RBFOX1: variants seen among roughly 807,000 people sequenced by gnomAD.
The protein encoded by RBFOX1 is RNA binding fox-1 homolog 1, also known as RNA binding protein fox-1 homolog 1.
In RBFOX1, 8 loss-of-function variants were observed where a neutral mutation model predicts 57.7. The observed-to-expected ratio is 0.14, with a 90% CI of 0.08 to 0.25. The LOEUF (loss-of-function observed/expected upper bound fraction) is 0.25. Among genes scored for constraint, RBFOX1 ranks in the 10% least tolerant of loss-of-function variants. The pLI, the probability that RBFOX1 is intolerant of heterozygous loss-of-function variation, is 1.00. For missense variants in RBFOX1, 611 were observed against 548.5 expected, an observed-to-expected ratio of 1.11 and a Z score of -1.14; for synonymous variants, 326 against 222.4, an observed-to-expected ratio of 1.47 and a Z score of -4.15.
At chr16:5,326,334 G>C (rs935076774) in intron 1 of RBFOX1, among the ~76,000 whole-genome samples, 2 of 152,100 alleles carry the variant, frequency 1.3e-5, no homozygotes, top group African/African-American at 4.8e-5. Context: ...CAGACTCAGA[G>C]GTTTACTCAA....
At chr16:5,406,004 A>G (rs1192219936) in intron 1 of RBFOX1, among the ~76,000 whole-genome samples, 1 of 152,186 alleles carries the variant, frequency 6.6e-6, no homozygotes, top group Non-Finnish European at 1.5e-5. Context: ...ATCCTATTAC[A>G]TAAAATAATG....
intron 1 of RBFOX1, among the ~76,000 whole-genome samples, chr16:5,420,921 C>T (rs1272147469): frequency 2.2e-5 from 3 of 135,084 alleles, no homozygotes; most frequent in East Asian, 4.6e-4. Flanking sequence ...CCCTCCACCC[C>T]TCCTCCTCCC....
chr16:5,353,043 G>T (rs143877939), intron 1 of RBFOX1, among the ~76,000 whole-genome samples: 7 of 152,298 alleles, frequency 4.6e-5, no homozygotes, highest in African/African-American at 1.7e-4. Flanking sequence ...AGTGTTGAGA[G>T]ATGAAACGTT....
chr16:6,186,066 C>T (rs1446569189), intron 1 of RBFOX1, among the ~76,000 whole-genome samples: 2 of 152,090 alleles, frequency 1.3e-5, no homozygotes, highest in African/African-American at 4.8e-5. Context: ...GGAGGATTGT[C>T]CAGAGGATTT....
chr16:7,533,699 T>G (rs891072052), intron 5 of RBFOX1, among the ~76,000 whole-genome samples: 1 of 152,206 alleles, frequency 6.6e-6, no homozygotes, highest in African/African-American at 2.4e-5. Context: ...ACAGAATGGT[T>G]GTATGGGCAC....
At chr16:5,852,595 G>C (rs1407886421) in intron 3 of RBFOX1, among the ~76,000 whole-genome samples, 1 of 152,180 alleles carries the variant, frequency 6.6e-6, no homozygotes, top group Non-Finnish European at 1.5e-5. Flanking sequence ...GATGGCAGCT[G>C]AGAGTCCTGA....
chr16:7,041,721 G>C (rs1355647557), intron 3 of RBFOX1, among the ~76,000 whole-genome samples: 3 of 152,266 alleles, frequency 2.0e-5, no homozygotes, highest in Middle Eastern at 3.4e-3. Context: ...AAATTCACAA[G>C]GCCTCTTGGG....
chr16:7,062,841 G>T (rs1195447114), intron 4 of RBFOX1, among the ~76,000 whole-genome samples: 2 of 135,344 alleles, frequency 1.5e-5, no homozygotes, highest in African/African-American at 2.7e-5. Context: ...TTTAACCCTG[G>T]TTATCCATCT....
chr16:6,506,348 A>G (rs948457186), intron 2 of RBFOX1, among the ~76,000 whole-genome samples: 2 of 152,072 alleles, frequency 1.3e-5, no homozygotes, highest in African/African-American at 2.4e-5. Context: ...ACTCAGATCT[A>G]TGGGGAAGGC....
intron 4 of RBFOX1, among the ~76,000 whole-genome samples, chr16:7,294,394 C>T (rs1300767319): frequency 6.6e-6 from 1 of 151,926 alleles, no homozygotes; most frequent in Non-Finnish European, 1.5e-5. Context: ...CTCTGGGTAC[C>T]TTTTAATTTG....
chr16:6,449,108 A>G (rs371449457), intron 2 of RBFOX1, among the ~76,000 whole-genome samples: 1 of 152,212 alleles, frequency 6.6e-6, no homozygotes, highest in Admixed American at 6.5e-5. Flanking sequence ...AAAAAAATGT[A>G]AAGTGTTTCT....
chr16:6,314,272 A>C (rs1442883698), intron 1 of RBFOX1, among the ~76,000 whole-genome samples: 1 of 152,206 alleles, frequency 6.6e-6, no homozygotes. Flanking sequence ...CGTTTCCCAG[A>C]CTACATAGTT....
intron 2 of RBFOX1, among the ~76,000 whole-genome samples, chr16:6,530,748 G>A (rs1409130924): frequency 2.6e-5 from 1 of 38,772 alleles, no homozygotes; most frequent in African/African-American, 3.3e-5. Context: ...TTTATAAACC[G>A]TCCCTTCCCC....
At position 5,991,533 on chromosome 16, in the gene RBFOX1, C is replaced by T. The variant is rs1455888117; in HGVS notation, c.351+124198C>T. Among the ~76,000 whole-genome samples the T allele has an allele frequency of 3.3e-5, 5 of 152,006 alleles. No individual in the cohort carries two copies. The East Asian group carries it at 5.8e-4, about 18-fold the overall frequency. The stretch of plus-strand genomic sequence containing the variant: ...TTATTTATTGATAAGGACCATGCAT[C>T]GTGGCTGGATAGGAGCTGGGAGATC... On this transcript the variant is annotated intron_variant, in intron 4 of 19. Transcript: ENST00000641259.
Position 7,016,923 on chromosome 16 carries a change from C to G in RBFOX1, c.-15-35134C>G, listed in dbSNP as rs144036624. Among the ~76,000 whole-genome samples, 3 of 152,270 alleles carry G rather than the reference C, an allele frequency of 2.0e-5. No homozygotes were observed. The East Asian group carries it at 5.8e-4, about 30-fold the overall frequency. ...TACCAACCTTGAAATCCCTCACTGG[C>G]ATTTTGGTAAATTTGTTTCATGTTT... On this transcript the variant is annotated intron_variant, in intron 3 of 15. Coordinates refer to ENST00000550418, the MANE Select transcript of RBFOX1 (RefSeq NM_018723.4).
chr16:6,719,724 G>C (rs750510555), intron 3 of RBFOX1, among the ~76,000 whole-genome samples: 31 of 151,986 alleles, frequency 2.0e-4, no homozygotes, highest in Non-Finnish European at 4.1e-4. Flanking sequence ...GGGATTACAG[G>C]CGTGAGCCAC....
intron 4 of RBFOX1, among the ~76,000 whole-genome samples, chr16:7,154,446 T>A (rs774261029): frequency 6.6e-6 from 1 of 152,214 alleles, no homozygotes; most frequent in Non-Finnish European, 1.5e-5. Context: ...GGACAATAGA[T>A]CTTTCCTAAG....
rs921170120 is a variant in RBFOX1 at position 6,745,290 on chromosome 16, C to G, written c.-16+90640C>G. 3.9e-5 allele frequency among the ~76,000 whole-genome samples: 6 copies of G among 152,164 alleles called. No individual in the cohort carries two copies. The East Asian group carries it at 9.6e-4, about 24-fold the overall frequency. Reference sequence around the variant, plus strand: ...GGAAAAGGAAGTTACATTTCCCAATCCATTCTATGAGGCAACGATTACTGT... The same window carrying G: ...GGAAAAGGAAGTTACATTTCCCAATGCATTCTATGAGGCAACGATTACTGT... On this transcript the variant is annotated intron_variant, in intron 3 of 15. Transcript: ENST00000550418.
chr16:6,669,746 A>G (rs1275439299), intron 3 of RBFOX1, among the ~76,000 whole-genome samples: 6 of 152,032 alleles, frequency 3.9e-5, no homozygotes. Flanking sequence ...GGTGCTTTGG[A>G]GGACAGAACC....
Sources: allele counts gnomAD v4.1 joint callset (sites outside exome capture counted in the v4.1 genomes callset), GRCh38; gene constraint gnomAD v4.1.1; transcripts MANE v1.5; gene names NCBI Gene and HGNC (gene_info 2026-07-23, HGNC 2026-07-21).